Variants in KCNT1 observed in about 807,000 individuals in gnomAD.
KCNT1 encodes potassium sodium-activated channel subfamily T member 1.
A neutral mutation model predicts 147.8 loss-of-function variants in KCNT1; 78 were observed. That is an observed-to-expected ratio of 0.53 (90% confidence interval 0.44 to 0.64). The LOEUF is 0.64. Ranked by LOEUF, KCNT1 falls within the 30% of genes least tolerant of loss-of-function variation. The pLI is 0.00. For synonymous variants in KCNT1, 867 were observed against 748.8 expected (o/e 1.16, Z -2.58); for missense variants, 1,419 against 1,750.3 (o/e 0.81, Z 3.38).
Position 135,702,191 on chromosome 9 carries a change from A to G in KCNT1, c.-68A>G. ...GAAAAAAAAAATGTTTTTCAGGGCA[A>G]CGCGAGGGAAGAAGGTGGCGGCTCC... On this transcript the variant is annotated 5_prime_UTR_variant, in exon 1 of 31. Coordinates refer to ENST00000371757, the MANE Select transcript of KCNT1 (RefSeq NM_020822.3). The G allele has an allele frequency of 8.4e-7, 1 of 1,190,624 alleles. No individual in the cohort carries two copies. The highest frequency in any genetic ancestry group is 1.2e-6 in the Non-Finnish European group (1 of 816,404). The allele number at this position is 1,190,624 out of a possible 1,614,324, so 73.8% of individuals were successfully genotyped here.
chr9:135,739,379 C>T (rs570371794), intron 2 of KCNT1, among the ~76,000 whole-genome samples: 2 of 152,170 alleles, frequency 1.3e-5, no homozygotes, highest in South Asian at 2.1e-4. Flanking sequence ...ACGCAGAGCC[C>T]CGGCCCCGCC....
Position 135,794,166 on chromosome 9 carries a change from A to C in KCNT1, c.*2005A>C, listed in dbSNP as rs926588937. On this transcript the variant is annotated 3_prime_UTR_variant, in exon 31 of 31. Transcript: ENST00000371757. ...GTAGCCCCTGGAGCCCCACACTGGAAGAGCTGGCCTGCAGGAGGCACCATG... is the reference window on the plus strand; with the variant it reads ...GTAGCCCCTGGAGCCCCACACTGGACGAGCTGGCCTGCAGGAGGCACCATG... The C allele has an allele frequency of 1.3e-5, 2 of 152,404 alleles. No homozygotes were observed. Among genetic ancestry groups the C allele is most frequent in the East Asian group, 1.9e-4 (1 of 5,172 alleles). The allele number at this position is 152,404 out of a possible 1,614,324, so 9.4% of individuals were successfully genotyped here.
At chr9:135,758,137 GT>G in intron 9 of KCNT1, among the ~76,000 whole-genome samples, 1 of 144,620 alleles carries the variant, frequency 6.9e-6, no homozygotes, top group African/African-American at 2.6e-5. Flanking sequence ...AGGTGTGGCC[GT>G]GGGCTGCCCC....
At chr9:135,760,324 C>T (rs1168248331) in intron 11 of KCNT1, among the ~76,000 whole-genome samples, 1 of 152,202 alleles carries the variant, frequency 6.6e-6, no homozygotes, top group African/African-American at 2.4e-5. Flanking sequence ...CGGGGCAAGA[C>T]CTCAGTGGGA....
At position 135,757,401 on chromosome 9, in the gene KCNT1, G is replaced by A; in HGVS notation, c.759+20G>A. ...ATGATTGTAAGCCGGGGCGGGGGGT[G>A]CAGCTGGGACTTGGGGGGGCCACCC... On this transcript the variant is annotated intron_variant, in intron 9 of 30. Coordinates refer to ENST00000371757, the MANE Select transcript of KCNT1 (RefSeq NM_020822.3). 1 of 1,601,534 alleles carries A rather than the reference G, an allele frequency of 6.2e-7. No homozygotes were observed. Among genetic ancestry groups the A allele is most frequent in the Non-Finnish European group, 8.5e-7 (1 of 1,177,990 alleles).
rs1834725371 is a variant in KCNT1, at chr9:135,794,625, C to T, written c.*2464C>T. ...CAGCGCCCAGCGGCCTGTGAATCCT[C>T]CCGTGGGCAAAGCTGGGAGCCAGGG... On this transcript the variant is annotated 3_prime_UTR_variant, in exon 31 of 31. Transcript: ENST00000371757. 6.6e-6 allele frequency: 1 copy of T among 152,258 alleles called. No individual in the cohort carries two copies. Among genetic ancestry groups the T allele is most frequent in the Non-Finnish European group, 1.5e-5 (1 of 68,052 alleles). 9.4% of individuals were successfully genotyped at this position (152,258 alleles called of 1,614,324 possible). A position where few individuals can be genotyped will look rare whatever the true frequency, so the allele number is the denominator to read the frequency against.
intron 2 of KCNT1, among the ~76,000 whole-genome samples, chr9:135,735,191 G>C (rs955506089): frequency 9.9e-5 from 15 of 152,222 alleles, no homozygotes; most frequent in Admixed American, 7.8e-4. Context: ...GCATAGGAGC[G>C]TGTGCTCAGA....
chr9:135,784,178 T>C, intron 25 of KCNT1, 53 bp downstream of exon 25: 1 of 1,345,958 alleles, frequency 7.4e-7, no homozygotes, highest in Non-Finnish European at 1.1e-6. Flanking sequence ...ACCCCCGTCA[T>C]GCCCTCAGCT....
At chr9:135,775,199 G>A (rs965226636) in intron 19 of KCNT1, 111 bp from the exon 20 acceptor site, 10 of 699,786 alleles carry the variant, frequency 1.4e-5, no homozygotes, top group East Asian at 5.9e-5. Flanking sequence ...CCCGAGCAAC[G>A]TGGCTGTGGG....
chr9:135,770,128 TGGG>T, intron 16 of KCNT1, 73 bp downstream of exon 16: 1 of 1,434,824 alleles, frequency 7.0e-7, no homozygotes, highest in Non-Finnish European at 9.5e-7. Context: ...AGGGCCTGCT[TGGG>T]GGCGGGGATG....
intron 11 of KCNT1, among the ~76,000 whole-genome samples, chr9:135,763,230 C>T (rs1413756115): frequency 9.3e-6 from 1 of 107,790 alleles, no homozygotes; most frequent in East Asian, 2.0e-4. Flanking sequence ...TAAGCCGCTC[C>T]CTGCCTCCTC....
intron 2 of KCNT1, among the ~76,000 whole-genome samples, chr9:135,742,413 T>C (rs1830610478): frequency 2.0e-5 from 3 of 152,144 alleles, no homozygotes; most frequent in Admixed American, 2.0e-4. Flanking sequence ...GGTGGCCCTC[T>C]CCTCGAGTGT....
At chr9:135,764,258 C>T (rs1480471641) in intron 11 of KCNT1, among the ~76,000 whole-genome samples, 2 of 152,052 alleles carry the variant, frequency 1.3e-5, no homozygotes, top group African/African-American at 2.4e-5. Flanking sequence ...GAGTTCGAGA[C>T]CAGCCTGGGC....
chr9:135,774,374 G>A (rs1225327221), intron 19 of KCNT1, among the ~76,000 whole-genome samples: 1 of 145,244 alleles, frequency 6.9e-6, no homozygotes, highest in Non-Finnish European at 1.5e-5. Context: ...GTCTGTGTGT[G>A]GTGTGTGTTG....
intron 1 of KCNT1, among the ~76,000 whole-genome samples, chr9:135,707,609 G>A (rs1467826606): frequency 2.6e-5 from 4 of 152,144 alleles, no homozygotes; most frequent in Non-Finnish European, 5.9e-5. Context: ...CTTGCCATCT[G>A]ACCCTGAGTG....
At chr9:135,774,994 C>G (rs1358248355) in intron 19 of KCNT1, among the ~76,000 whole-genome samples, 2 of 152,140 alleles carry the variant, frequency 1.3e-5, no homozygotes, top group Non-Finnish European at 2.9e-5. Context: ...CAGGCAGGCA[C>G]GGGTCCTTAA....
chr9:135,786,460 G>A lies in KCNT1; in HGVS notation c.3441G>A (p.Gln1147=). 6.2e-7 allele frequency: 1 copy of A among 1,602,468 alleles called. No homozygotes were observed. Among genetic ancestry groups the A allele is most frequent in the Non-Finnish European group, 8.5e-7 (1 of 1,175,854 alleles). Residue 1147 remains glutamine, a synonymous_variant, in exon 29 of 31, where the codon CAG becomes CAA. Coordinates refer to ENST00000371757, the MANE Select transcript of KCNT1 (RefSeq NM_020822.3). Reference sequence around the variant, plus strand: ...GCCTGTACCGGCGCTCTGAGCGCCAGGAGCTCTCCGAGCTGGTGAAGAACC... The same window carrying A: ...GCCTGTACCGGCGCTCTGAGCGCCAAGAGCTCTCCGAGCTGGTGAAGAACC... ...RLSLYRRSER[Q]ELSELVKNRM...
intron 1 of KCNT1, among the ~76,000 whole-genome samples, chr9:135,711,306 G>C (rs1297997273): frequency 6.6e-6 from 1 of 152,136 alleles, no homozygotes; most frequent in African/African-American, 2.4e-5. Context: ...CAGATGCAGG[G>C]GGAGTGAGAA....
intron 5 of KCNT1, among the ~76,000 whole-genome samples, chr9:135,754,243 C>A (rs1195860129): frequency 2.6e-5 from 4 of 152,236 alleles, no homozygotes; most frequent in Admixed American, 2.6e-4. Context: ...CTCAACCCAG[C>A]AGCCACCCAG....
Sources: allele counts gnomAD v4.1 joint callset (sites outside exome capture counted in the v4.1 genomes callset), GRCh38; gene constraint gnomAD v4.1.1; transcripts MANE v1.5; gene names NCBI Gene and HGNC (gene_info 2026-07-23, HGNC 2026-07-21).